The following PAPOLA variants were observed in gnomAD, a reference collection of about 807,000 sequenced individuals.
PAPOLA encodes the protein poly(A) polymerase alpha.
PAPOLA carries 15 observed loss-of-function variants against 100.6 expected under a neutral mutation model. The observed-to-expected ratio is 0.15, with a 90% CI of 0.10 to 0.23. The LOEUF is 0.23. Ranked by LOEUF, PAPOLA falls within the 10% of genes least tolerant of loss-of-function variation. The pLI, the probability that PAPOLA is intolerant of heterozygous loss-of-function variation, is 1.00. For missense variants in PAPOLA, 533 were observed against 884.2 expected (o/e 0.60, Z 5.04); for synonymous variants, 293 against 300.0 (o/e 0.98, Z 0.24).
intron 13 of PAPOLA, 63 bp from the exon 14 acceptor site, chr14:96,542,711 T>TTTTA (rs1226940984): frequency 1.3e-6 from 2 of 1,486,520 alleles, no homozygotes; most frequent in Non-Finnish European, 1.8e-6. Context: ...GGTATGTGCA[T>TTTTA]TTTATTTATT....
chr14:96,531,357 A>G, intron 6 of PAPOLA, 118 bp from the exon 7 acceptor site: 2 of 714,036 alleles, frequency 2.8e-6, no homozygotes, highest in Non-Finnish European at 4.7e-6. Flanking sequence ...GTCTTGCTCA[A>G]GTGTTCCACC....
intron 15 of PAPOLA, 77 bp from the exon 16 acceptor site, chr14:96,547,720 A>T (rs1018018468): frequency 9.0e-7 from 1 of 1,113,114 alleles, no homozygotes; most frequent in African/African-American, 1.6e-5. Context: ...CCCTACTTAG[A>T]ATAGTTTCTC....
intron 21 of PAPOLA, among the ~76,000 whole-genome samples, chr14:96,564,089 T>A (rs1398209197): frequency 6.6e-6 from 1 of 151,864 alleles, no homozygotes; most frequent in Non-Finnish European, 1.5e-5. Flanking sequence ...TAAAAAAAAA[T>A]TCATTCCTAT....
intron 17 of PAPOLA, among the ~76,000 whole-genome samples, chr14:96,554,241 T>A (rs1901100751): frequency 1.3e-5 from 2 of 152,250 alleles, no homozygotes; most frequent in Admixed American, 1.3e-4. Context: ...CAGTGAGTGT[T>A]TATTATGTAC....
chr14:96,527,681 TTTA>T (rs780408895), intron 5 of PAPOLA, 142 bp downstream of exon 5: 15 of 620,430 alleles, frequency 2.4e-5, no homozygotes, highest in Non-Finnish European at 4.3e-5. Flanking sequence ...GTGTTTGTGT[TTTA>T]TTCTTTACAG....
intron 16 of PAPOLA, among the ~76,000 whole-genome samples, chr14:96,548,390 C>T (rs1900562334): frequency 6.6e-6 from 1 of 151,932 alleles, no homozygotes; most frequent in Non-Finnish European, 1.5e-5. Context: ...AGGTCATGAA[C>T]AGAGGTCACT....
rs1183594071 is a variant in PAPOLA at position 96,520,175 on chromosome 14, T to A, written c.129T>A (p.Ile43=). 1 of 1,613,982 alleles carries A rather than the reference T, an allele frequency of 6.2e-7. No homozygotes were observed. The highest frequency in any genetic ancestry group is 1.7e-5 in the Admixed American group (1 of 60,002). ...ACTGCGTACTTACACAGAAACTAAT[T>A]GAGACATTGAAACCCTTTGGGGTTT... The part of the protein sequence containing the change: ...ETDCVLTQKL[I]ETLKPFGVFE... Residue 43 remains isoleucine (I), a synonymous_variant, in exon 2 of 22, where the codon ATT becomes ATA. Transcript: ENST00000216277.
chr14:96,523,759 A>G (rs1056956449), intron 3 of PAPOLA, among the ~76,000 whole-genome samples: 34 of 152,166 alleles, frequency 2.2e-4, no homozygotes, highest in African/African-American at 7.0e-4. Context: ...CCTGACTAAC[A>G]TGGTGAAACC....
At chr14:96,530,382 G>GT (rs571476137) in intron 6 of PAPOLA, among the ~76,000 whole-genome samples, 387 of 134,786 alleles carry the variant, frequency 2.9e-3, no homozygotes, top group East Asian at 4.2e-3. Flanking sequence ...ATGTTTGTTT[G>GT]TTTTTTTTTT....
At chr14:96,528,755 T>A (rs1472755426) in intron 6 of PAPOLA, among the ~76,000 whole-genome samples, 2 of 152,228 alleles carry the variant, frequency 1.3e-5, no homozygotes, top group Non-Finnish European at 2.9e-5. Flanking sequence ...ACTGTTGTAC[T>A]ATTTTGCAAA....
chr14:96,529,090 A>G, intron 6 of PAPOLA, among the ~76,000 whole-genome samples: 1 of 152,314 alleles, frequency 6.6e-6, no homozygotes, highest in East Asian at 1.9e-4. Context: ...TAATGTGTTA[A>G]TTTTCTATTA....
intron 1 of PAPOLA, 127 bp downstream of exon 1, chr14:96,502,727 A>C (rs1211001173): frequency 2.5e-5 from 25 of 1,013,422 alleles, no homozygotes; most frequent in African/African-American, 3.4e-5. Flanking sequence ...GGAGGCAGGC[A>C]GGACTGGGGA....
At position 96,534,304 on chromosome 14, in the gene PAPOLA, G is replaced by A. The variant is rs148393033; in HGVS notation, c.837-187G>A. On this transcript the variant is annotated intron_variant, in intron 9 of 21. Transcript: ENST00000216277. Reference sequence around the variant, plus strand: ...CTGAGAAGGCTACCAAATGGTTTAAGTTCATTTCATAGTTAGGAGAAAAAG... The same window carrying A: ...CTGAGAAGGCTACCAAATGGTTTAAATTCATTTCATAGTTAGGAGAAAAAG... 3,816 of 1,385,812 alleles carry A rather than the reference G, an allele frequency of 2.8e-3. 5 individuals are homozygous for A. Among genetic ancestry groups the A allele is most frequent in the Non-Finnish European group, 3.2e-3 (3,492 of 1,074,670 alleles). 85.8% of individuals were successfully genotyped at this position (1,385,812 alleles called of 1,614,324 possible).
chr14:96,523,434 GC>G (rs1488461022), intron 3 of PAPOLA, among the ~76,000 whole-genome samples: 2 of 152,212 alleles, frequency 1.3e-5, no homozygotes, highest in African/African-American at 4.8e-5. Flanking sequence ...TTACATCCTT[GC>G]AGAAAGTACC....
chr14:96,535,136 A>G (rs1041232066), intron 10 of PAPOLA: 42 of 958,366 alleles, frequency 4.4e-5, no homozygotes, highest in Non-Finnish European at 5.2e-5. Flanking sequence ...TTTAAATGTT[A>G]ACAACATGCA....
At position 96,521,024 on chromosome 14, in the gene PAPOLA, A is replaced by G; in HGVS notation, c.201A>G (p.Lys67=). 1 of 1,535,260 alleles carries G rather than the reference A, an allele frequency of 6.5e-7. No individual in the cohort carries two copies. ...ELQRRILILG[K]LNNLVKEWIR... ...TCAACAGGATTTTAATTTTGGGAAA[A>G]CTAAATAACCTGGTAAAAGAGTGGA... The change falls in exon 3 of 22, where the codon AAA becomes AAG. Residue 67 remains lysine (K), a synonymous_variant. Transcript: ENST00000216277.
chr14:96,514,340 A>ATT (rs907226774), intron 1 of PAPOLA, among the ~76,000 whole-genome samples: 1 of 145,690 alleles, frequency 6.9e-6, no homozygotes. Context: ...CGCCCGGCTA[A>ATT]TTTTTTTTTT....
At chr14:96,513,284 G>C (rs1360463154) in intron 1 of PAPOLA, among the ~76,000 whole-genome samples, 1 of 152,226 alleles carries the variant, frequency 6.6e-6, no homozygotes, top group South Asian at 2.1e-4. Context: ...GCCCAGGCTG[G>C]TCTCAAACTC....
rs899340660 is a variant in PAPOLA at position 96,555,766 on chromosome 14, A to G, written c.1665-81A>G. ...ATTTACTTTACAAAATAATTTCTAT[A>G]TATGTTATAGATTATTGTAATTTTT... On this transcript the variant is annotated intron_variant, in intron 17 of 21. Coordinates refer to ENST00000216277, the MANE Select transcript of PAPOLA (RefSeq NM_032632.5). 9 of 657,762 alleles carry G rather than the reference A, an allele frequency of 1.4e-5. No homozygotes were observed. The South Asian group carries it at 1.5e-4, about 11-fold the overall frequency. 40.7% of individuals were successfully genotyped at this position (657,762 alleles called of 1,614,324 possible). A position where few individuals can be genotyped will look rare whatever the true frequency, so the allele number is the denominator to read the frequency against.
Sources: gnomAD v4.1 joint callset for allele counts (sites outside exome capture counted in the v4.1 genomes callset) on GRCh38, gnomAD v4.1.1 for gene constraint, MANE v1.5 for transcripts, NCBI Gene and HGNC (gene_info 2026-07-23, HGNC 2026-07-21) for gene names.